Variants in SCRG1 observed in about 807,000 individuals in gnomAD.
SCRG1 encodes the protein scrapie-responsive protein 1.
In SCRG1, 3 loss-of-function variants were observed where a neutral mutation model predicts 7.7. The ratio of observed to expected loss-of-function variants is 0.39; its 90% CI spans 0.18 to 1.01. The LOEUF is 1.01. Among genes scored for constraint, SCRG1 ranks in the 50% least tolerant of loss-of-function variants. SCRG1 has a pLI of 0.36. For synonymous variants in SCRG1, 46 were observed against 41.2 expected (o/e 1.12, Z -0.44); for missense variants, 110 against 117.2 (o/e 0.94, Z 0.28).
At chr4:173,448,428 T>C in the SCRG1 span, among the ~76,000 whole-genome samples, 2 of 152,326 alleles carry the variant, frequency 1.3e-5, no homozygotes, top group South Asian at 4.1e-4. Flanking sequence ...ACCCATCCGC[T>C]CTTGTTGAAG....
the SCRG1 span, among the ~76,000 whole-genome samples, chr4:173,458,788 C>A: frequency 6.6e-6 from 1 of 152,032 alleles, no homozygotes; most frequent in Admixed American, 6.6e-5. Flanking sequence ...AGCTTAAATT[C>A]CCCACTTAAA....
the SCRG1 span, among the ~76,000 whole-genome samples, chr4:173,500,019 AGTGTTTAATTT>A: frequency 6.6e-6 from 1 of 152,194 alleles, no homozygotes; most frequent in Admixed American, 6.5e-5. Flanking sequence ...CCTGGCTCTA[AGTGTTTAATTT>A]GTCCTTCACC....
the SCRG1 span, among the ~76,000 whole-genome samples, chr4:173,433,017 GA>G: frequency 6.6e-6 from 1 of 152,078 alleles, no homozygotes; most frequent in Non-Finnish European, 1.5e-5. Flanking sequence ...CAGAAAGCAT[GA>G]AAAAAATAGA....
At chr4:173,490,516 G>C in the SCRG1 span, among the ~76,000 whole-genome samples, 1 of 152,130 alleles carries the variant, frequency 6.6e-6, no homozygotes, top group Non-Finnish European at 1.5e-5. Context: ...GCGGGTCATG[G>C]ACATTTTGGC....
At chr4:173,476,363 A>AAAAAAAATATATCTATATATAT in the SCRG1 span, among the ~76,000 whole-genome samples, 1 of 98,484 alleles carries the variant, frequency 1.0e-5, no homozygotes, top group Non-Finnish European at 2.3e-5. Flanking sequence ...GGAAAAAAAA[A>AAAAAAAATATATCTATATATAT]ATATATATAT....
chr4:173,513,179 C>G, the SCRG1 span, among the ~76,000 whole-genome samples: 1 of 152,218 alleles, frequency 6.6e-6, no homozygotes, highest in African/African-American at 2.4e-5. Context: ...CACATTCCCA[C>G]AATTCTAGGC....
the SCRG1 span, among the ~76,000 whole-genome samples, chr4:173,422,810 G>T: frequency 2.6e-5 from 4 of 152,136 alleles, no homozygotes; most frequent in Admixed American, 6.5e-5. Flanking sequence ...CAGTATCTTG[G>T]CTTTTCATTT....
chr4:173,497,482 G>C, the SCRG1 span, among the ~76,000 whole-genome samples: 1 of 151,886 alleles, frequency 6.6e-6, no homozygotes, highest in Non-Finnish European at 1.5e-5. Context: ...TATCATGACT[G>C]TTTCTCTGAA....
the SCRG1 span, among the ~76,000 whole-genome samples, chr4:173,431,304 A>G: frequency 6.6e-6 from 1 of 152,230 alleles, no homozygotes; most frequent in East Asian, 1.9e-4. Context: ...TTGACTGTGG[A>G]CCAGCGGGCA....
At chr4:173,427,894 T>C in the SCRG1 span, among the ~76,000 whole-genome samples, 3 of 152,254 alleles carry the variant, frequency 2.0e-5, no homozygotes, top group African/African-American at 7.2e-5. Flanking sequence ...ACTTAATACT[T>C]AGCAGATATT....
the SCRG1 span, among the ~76,000 whole-genome samples, chr4:173,457,718 G>T: frequency 1.3e-5 from 2 of 152,142 alleles, no homozygotes; most frequent in African/African-American, 4.8e-5. Flanking sequence ...AGGCATTTCT[G>T]CATGCTTAAA....
At chr4:173,411,708 A>G in the SCRG1 span, among the ~76,000 whole-genome samples, 1 of 152,226 alleles carries the variant, frequency 6.6e-6, no homozygotes, top group Non-Finnish European at 1.5e-5. Flanking sequence ...TTTTCATCAA[A>G]TCATTCTAAT....
chr4:173,403,892 G>A (rs187804004), upstream of SCRG1, among the ~76,000 whole-genome samples: 4 of 152,234 alleles, frequency 2.6e-5, no homozygotes, highest in East Asian at 3.9e-4. Context: ...GTATTCTTTC[G>A]TAGGTCCTGA....
chr4:173,450,011 A>C, the SCRG1 span, among the ~76,000 whole-genome samples: 2 of 152,206 alleles, frequency 1.3e-5, no homozygotes, highest in African/African-American at 4.8e-5. Flanking sequence ...CTGTTTTCAC[A>C]CTGGTATAAA....
chr4:173,472,194 G>A, the SCRG1 span, among the ~76,000 whole-genome samples: 2 of 152,202 alleles, frequency 1.3e-5, no homozygotes, highest in South Asian at 4.1e-4. Flanking sequence ...CTAAAATATG[G>A]CCATGGAGTA....
chr4:173,387,762 G>C lies in SCRG1; in HGVS notation c.*579C>G, dbSNP rs1390030798. On this transcript the variant is annotated 3_prime_UTR_variant, in exon 3 of 3. Coordinates refer to ENST00000296506, the MANE Select transcript of SCRG1 (RefSeq NM_007281.4). The stretch of plus-strand genomic sequence containing the variant: ...GGGTCTTGCTCTGTCACCCAGGCTA[G>C]AGTGCAGTAGTGCAATCATAGCTCA... 2.3e-5 allele frequency: 3 copies of C among 127,844 alleles called. No individual in the cohort carries two copies. The highest frequency in any genetic ancestry group is 9.3e-5 in the Admixed American group (1 of 10,810). 7.9% of individuals were successfully genotyped at this position (127,844 alleles called of 1,614,324 possible). A position where few individuals can be genotyped will look rare whatever the true frequency, so the allele number is the denominator to read the frequency against.
At chr4:173,433,993 G>A in the SCRG1 span, among the ~76,000 whole-genome samples, 1 of 152,136 alleles carries the variant, frequency 6.6e-6, no homozygotes, top group African/African-American at 2.4e-5. Flanking sequence ...TTGCTTTTTA[G>A]CCTTTCAACA....
At chr4:173,507,961 G>A in the SCRG1 span, among the ~76,000 whole-genome samples, 1 of 152,208 alleles carries the variant, frequency 6.6e-6, no homozygotes, top group Non-Finnish European at 1.5e-5. This position sits in a 1 kb window ranked among gnomAD's most constrained non-coding sequence, Gnocchi z 4.4. Flanking sequence ...TGCGGCTCCC[G>A]GAGGCGCTGC....
At chr4:173,452,926 A>T in the SCRG1 span, among the ~76,000 whole-genome samples, 1 of 152,362 alleles carries the variant, frequency 6.6e-6, no homozygotes, top group Non-Finnish European at 1.5e-5. Context: ...TGAAGCTCCC[A>T]TGGAAAGATA....
Sources: gnomAD v4.1 joint callset for allele counts (sites outside exome capture counted in the v4.1 genomes callset) on GRCh38, gnomAD v4.1.1 for gene constraint, Gnocchi (gnomAD v3.1) non-coding constraint, MANE v1.5 for transcripts, NCBI Gene and HGNC (gene_info 2026-07-23, HGNC 2026-07-21) for gene names.